Variants in KLF12 observed in about 807,000 individuals in gnomAD.
KLF12 encodes the protein KLF transcription factor 12, also known as Krueppel-like factor 12.
KLF12 carries 9 observed loss-of-function variants against 37.8 expected under a neutral mutation model. The observed-to-expected ratio is 0.24, with a 90% CI of 0.14 to 0.42. KLF12 has a LOEUF of 0.42. KLF12 is among the 10% of genes least tolerant of loss of function. The pLI is 1.00. For missense variants in KLF12, 411 were observed against 516.0 expected (o/e 0.80, Z 1.97); for synonymous variants, 208 against 202.1 (o/e 1.03, Z -0.25).
At chr13:73,770,946 A>G (rs1880228756) in intron 5 of KLF12, among the ~76,000 whole-genome samples, 1 of 152,210 alleles carries the variant, frequency 6.6e-6, no homozygotes. Flanking sequence ...TTTCTGATAT[A>G]CACCAACAGA....
At chr13:73,938,849 G>T in intron 3 of KLF12, among the ~76,000 whole-genome samples, 1 of 152,146 alleles carries the variant, frequency 6.6e-6, no homozygotes, top group South Asian at 2.1e-4. Flanking sequence ...TGGTAGTTAA[G>T]GCATGGAGTA....
At chr13:73,742,985 G>A (rs1435584657) in intron 6 of KLF12, among the ~76,000 whole-genome samples, 4 of 151,024 alleles carry the variant, frequency 2.6e-5, no homozygotes, top group Non-Finnish European at 4.4e-5. Flanking sequence ...CTCTCATTAA[G>A]TCAGGAAGAG....
chr13:73,754,638 T>C (rs371731451), intron 6 of KLF12, among the ~76,000 whole-genome samples: 1 of 151,808 alleles, frequency 6.6e-6, no homozygotes, highest in East Asian at 1.9e-4. Flanking sequence ...AGACTTTCAA[T>C]AACTTAAGTT....
At chr13:74,073,071 G>A (rs1316388752) in intron 1 of KLF12, among the ~76,000 whole-genome samples, 3 of 152,136 alleles carry the variant, frequency 2.0e-5, no homozygotes, top group Non-Finnish European at 4.4e-5. Context: ...ATGCTCTCCT[G>A]CCTGCTGCCA....
intron 1 of KLF12, among the ~76,000 whole-genome samples, chr13:74,088,761 G>T (rs1202246084): frequency 6.6e-6 from 1 of 152,142 alleles, no homozygotes; most frequent in Non-Finnish European, 1.5e-5. Context: ...AGTGAGAATG[G>T]TCATATTAAC....
intron 5 of KLF12, among the ~76,000 whole-genome samples, chr13:73,805,173 A>T (rs989913538): frequency 6.6e-6 from 1 of 152,136 alleles, no homozygotes; most frequent in African/African-American, 2.4e-5. Context: ...ATCCAAAAAC[A>T]CTCTACTATT....
At chr13:73,707,662 G>A (rs1219658884) in intron 7 of KLF12, among the ~76,000 whole-genome samples, 1 of 152,130 alleles carries the variant, frequency 6.6e-6, no homozygotes, top group African/African-American at 2.4e-5. Flanking sequence ...GAATACAGAT[G>A]TGAAGTCATG....
chr13:74,136,669 T>A (rs1208917013), upstream of KLF12, among the ~76,000 whole-genome samples: 1 of 151,926 alleles, frequency 6.6e-6, no homozygotes, highest in Non-Finnish European at 1.5e-5. Flanking sequence ...CACGGGCTTG[T>A]TAGGAGAGTG....
the KLF12 span, among the ~76,000 whole-genome samples, chr13:74,216,447 A>G: frequency 6.6e-6 from 1 of 152,158 alleles, no homozygotes; most frequent in South Asian, 2.1e-4. Context: ...CCGCCCATAG[A>G]GATTCTGATG....
chr13:74,135,382 C>T (rs2139049449), upstream of KLF12, among the ~76,000 whole-genome samples: 1 of 152,024 alleles, frequency 6.6e-6, no homozygotes, highest in East Asian at 2.0e-4. Flanking sequence ...CCCCAAGAAG[C>T]GGACGGCCCG....
At position 74,060,548 on chromosome 13, in the gene KLF12, T is replaced by C. The variant is rs1873537674; in HGVS notation, c.-31-65495A>G. Among the ~76,000 whole-genome samples the C allele has an allele frequency of 2.3e-5, 3 of 132,076 alleles. No homozygotes were observed. In the Admixed American group the frequency reaches 2.3e-4, roughly 10 times the overall value. The allele number at this position is 132,076 out of a possible 152,430, so 86.6% of individuals were successfully genotyped here. A position where few individuals can be genotyped will look rare whatever the true frequency, so the allele number is the denominator to read the frequency against. On this transcript the variant is annotated intron_variant, in intron 1 of 7. Transcript: ENST00000377669. Reference sequence around the variant, plus strand: ...TGTGTGTGTTGTAAATGGGGTTGAGTTCCTGATTTGGTTCTCAGCTTGAAC... The same window carrying C: ...TGTGTGTGTTGTAAATGGGGTTGAGCTCCTGATTTGGTTCTCAGCTTGAAC...
the KLF12 span, among the ~76,000 whole-genome samples, chr13:74,304,694 C>T: frequency 0.016 from 2,389 of 151,806 alleles, 55 homozygotes; most frequent in African/African-American, 0.051. Flanking sequence ...GGTAGGGAGA[C>T]GGCCCAGTTC....
chr13:74,241,706 C>A, the KLF12 span, among the ~76,000 whole-genome samples: 1 of 152,186 alleles, frequency 6.6e-6, no homozygotes, highest in Non-Finnish European at 1.5e-5. Context: ...GGGAGTGACC[C>A]GATTTTCCAG....
At chr13:73,794,250 C>T (rs922224896) in intron 5 of KLF12, among the ~76,000 whole-genome samples, 3 of 152,208 alleles carry the variant, frequency 2.0e-5, no homozygotes, top group African/African-American at 4.8e-5. Flanking sequence ...CATCTGAGGT[C>T]GGGAGTTCGA....
At chr13:73,814,321 A>AT (rs1394415953) in intron 4 of KLF12, among the ~76,000 whole-genome samples, 2 of 152,096 alleles carry the variant, frequency 1.3e-5, no homozygotes, top group Admixed American at 6.5e-5. Flanking sequence ...TCATAATTTC[A>AT]TTTTTTTGGT....
the KLF12 span, among the ~76,000 whole-genome samples, chr13:74,141,183 T>C: frequency 7.9e-5 from 12 of 152,274 alleles, no homozygotes; most frequent in African/African-American, 2.9e-4. Flanking sequence ...ATTCAGACTC[T>C]TAGAATTCAG....
chr13:73,748,749 T>G (rs1035356364), intron 6 of KLF12, among the ~76,000 whole-genome samples: 1 of 152,268 alleles, frequency 6.6e-6, no homozygotes, highest in Non-Finnish European at 1.5e-5. Context: ...GAGATATATT[T>G]TTGTTGTATA....
intron 6 of KLF12, among the ~76,000 whole-genome samples, chr13:73,722,650 A>G (rs1044757953): frequency 6.6e-6 from 1 of 152,204 alleles, no homozygotes; most frequent in African/African-American, 2.4e-5. Flanking sequence ...GCTGTGACTG[A>G]GACATTATAT....
chr13:73,710,780 G>A (rs142589443), intron 7 of KLF12, among the ~76,000 whole-genome samples: 6 of 134,826 alleles, frequency 4.5e-5, no homozygotes, highest in African/African-American at 1.5e-4. Context: ...GTAACCCTAA[G>A]TGTTCAAGTG....
Sources: allele counts gnomAD v4.1 joint callset (sites outside exome capture counted in the v4.1 genomes callset), GRCh38; gene constraint gnomAD v4.1.1; transcripts MANE v1.5; gene names NCBI Gene and HGNC (gene_info 2026-07-23, HGNC 2026-07-21).